Variants in SCN10A observed in about 807,000 individuals in gnomAD.
The protein encoded by SCN10A is sodium voltage-gated channel alpha subunit 10.
Under a neutral mutation model 170.7 loss-of-function variants are expected in SCN10A, and 162 were observed. That is an observed-to-expected ratio of 0.95 (90% CI 0.84 to 1.08). The LOEUF (loss-of-function observed/expected upper bound fraction) is 1.08. Among genes scored for constraint, SCN10A ranks in the 50% least tolerant of loss-of-function variants. SCN10A has a pLI of 0.00. For synonymous variants in SCN10A, 985 were observed against 904.6 expected (o/e 1.09, Z -1.59); for missense variants, 2,527 against 2,436.9 (o/e 1.04, Z -0.78).
chr3:38,802,541 A>G lies in SCN10A; in HGVS notation c.-32-8499T>C, dbSNP rs545603970. On this transcript the variant is annotated intron_variant, in intron 1 of 27. Coordinates refer to ENST00000449082, the MANE Select transcript of SCN10A (RefSeq NM_006514.4). ...AAGCCTTAAAACTTTTTAATTACCC[A>G]TTATTGAAAGGAGTCTCTATTTAAT... is the stretch of plus-strand genomic sequence containing the variant. 1.6e-4 allele frequency among the ~76,000 whole-genome samples: 25 copies of G among 152,142 alleles called. 1 individual carries two copies. Among genetic ancestry groups the G allele is most frequent in the Non-Finnish European group, 2.8e-4 (19 of 68,018 alleles).
At chr3:38,777,777 G>A (rs923869741) in intron 4 of SCN10A, among the ~76,000 whole-genome samples, 3 of 152,090 alleles carry the variant, frequency 2.0e-5, no homozygotes, top group African/African-American at 7.2e-5. Flanking sequence ...GTAGACATGG[G>A]AATCTGGTGC....
In SCN10A at chr3:38,712,178, G is replaced by A. The variant is rs775929381; in HGVS notation, c.4072C>T (p.Leu1358Phe). ...TGACTCACCACCTGCAGAAGTGCAA[G>A]GTAACCCATTGCAACATTATCAAAG... is the stretch of plus-strand genomic sequence containing the variant. ...VNFDNVAMGY[L>F]ALLQVATFKG... Residue 1358 changes from leucine to phenylalanine, a missense_variant, in exon 23 of 28, where the codon CTT (leucine) becomes TTT (phenylalanine). By Grantham distance (22) the Leu-to-Phe change is conservative. Coordinates refer to ENST00000449082, the MANE Select transcript of SCN10A (RefSeq NM_006514.4). The A allele has an allele frequency of 1.9e-6, 3 of 1,613,966 alleles. No individual in the cohort carries two copies. Among genetic ancestry groups the A allele is most frequent in the Non-Finnish European group, 2.5e-6 (3 of 1,179,932 alleles).
intron 17 of SCN10A, among the ~76,000 whole-genome samples, 187 bp downstream of exon 17, chr3:38,726,419 T>C (rs922109750): frequency 6.6e-6 from 1 of 152,184 alleles, no homozygotes; most frequent in Non-Finnish European, 1.5e-5. Context: ...ACTCCCTGTT[T>C]GTCTGCCTGG....
At chr3:38,728,188 C>T (rs990547071) in intron 16 of SCN10A, among the ~76,000 whole-genome samples, 1 of 152,226 alleles carries the variant, frequency 6.6e-6, no homozygotes, top group Admixed American at 6.5e-5. Flanking sequence ...CATCTCCTGT[C>T]ATTTAATTCT....
rs34804756 is a variant in SCN10A, at chr3:38,767,043, AT to A, written c.600-3448del. On this transcript the variant is annotated intron_variant, in intron 5 of 27. Coordinates refer to ENST00000449082, the MANE Select transcript of SCN10A (RefSeq NM_006514.4). ...AAGGTGTTCATAGTAGCCTTGAATG[AT>A]TTTTTTTTTGTATTTCTGTGGTATC... Among the ~76,000 whole-genome samples the A allele has an allele frequency of 2.0e-3, 297 of 149,006 alleles. 1 individual carries two copies. Among genetic ancestry groups the A allele is most frequent in the African/African-American group, 5.4e-3 (220 of 40,590 alleles).
At chr3:38,740,232 T>G (rs549218933) in intron 14 of SCN10A, among the ~76,000 whole-genome samples, 40 of 152,366 alleles carry the variant, frequency 2.6e-4, no homozygotes, top group African/African-American at 9.1e-4. Context: ...AGAACAATGA[T>G]TCATTGCCTC....
At position 38,730,744 on chromosome 3, in the gene SCN10A, G is replaced by A. The variant is rs200918296; in HGVS notation, c.2281-1843C>T. On this transcript the variant is annotated intron_variant, in intron 15 of 27. Transcript: ENST00000449082. Reference sequence around the variant, plus strand: ...TAAAATTAAAAATATTATGAAGAAGGTTTGCATCAGATTTGACACAGTTTG... The same window carrying A: ...TAAAATTAAAAATATTATGAAGAAGATTTGCATCAGATTTGACACAGTTTG... 2.0e-4 allele frequency among the ~76,000 whole-genome samples: 30 copies of A among 152,100 alleles called. No homozygotes were observed. The East Asian group carries it at 4.8e-3, about 24-fold the overall frequency.
chr3:38,768,143 T>C (rs147979545), intron 5 of SCN10A, among the ~76,000 whole-genome samples: 2,723 of 151,996 alleles, frequency 0.018, 79 homozygotes, highest in African/African-American at 0.062. Context: ...ATGTGTTAGG[T>C]GAGTCTCTTG....
At chr3:38,720,372 G>C (rs2063377546) in intron 20 of SCN10A, among the ~76,000 whole-genome samples, 2 of 152,200 alleles carry the variant, frequency 1.3e-5, no homozygotes, top group African/African-American at 4.8e-5. Context: ...TTTGTAATAT[G>C]TGTATATTTT....
At chr3:38,759,573 T>C (rs548635836) in intron 8 of SCN10A, among the ~76,000 whole-genome samples, 3 of 152,318 alleles carry the variant, frequency 2.0e-5, no homozygotes, top group South Asian at 4.1e-4. Flanking sequence ...TTTATGTCTA[T>C]GAATGAGAAA....
At chr3:38,705,267 A>C (rs939896324) in intron 26 of SCN10A, among the ~76,000 whole-genome samples, 21 of 152,052 alleles carry the variant, frequency 1.4e-4, no homozygotes, top group African/African-American at 4.6e-4. Context: ...CCAGAATATT[A>C]AGGGGAGAGC....
Position 38,771,279 on chromosome 3 carries a change from G to A in SCN10A, c.599C>T (p.Ala200Val), listed in dbSNP as rs554062977. Residue 200 changes from alanine (A) to valine (V), a missense_variant and splice_region_variant, in exon 5 of 28, where the codon GCA becomes GTA. By Grantham distance (64) the Ala-to-Val change is moderately conservative. Coordinates refer to ENST00000449082, the MANE Select transcript of SCN10A (RefSeq NM_006514.4). Reference sequence around the variant, plus strand: ...CAGATCTGCATAGAGATATACTCACGCCAGGGTAATGACGCTAAAATCCAG... The same window carrying A: ...CAGATCTGCATAGAGATATACTCACACCAGGGTAATGACGCTAAAATCCAG... ...NWLDFSVITL[A>V]YVGTAIDLRG... 312 of 1,613,778 alleles carry A rather than the reference G, an allele frequency of 1.9e-4. 1 individual carries two copies. Among genetic ancestry groups the A allele is most frequent in the Non-Finnish European group, 2.3e-4 (267 of 1,179,830 alleles).
intron 20 of SCN10A, among the ~76,000 whole-genome samples, chr3:38,720,559 G>A (rs1403900149): frequency 1.3e-5 from 2 of 152,078 alleles, no homozygotes; most frequent in African/African-American, 4.8e-5. Context: ...GGTACTCAAA[G>A]TGAAAGCCTA....
In SCN10A at chr3:38,778,942, A is replaced by G. The variant is rs139234051; in HGVS notation, c.471-7535T>C. On this transcript the variant is annotated intron_variant, in intron 4 of 27. Coordinates refer to ENST00000449082, the MANE Select transcript of SCN10A (RefSeq NM_006514.4). ...TCATAGTGTGCATATAAAGGGAATT[A>G]TGTCAACAGTTCAGTTAATACAAAA... 4.1e-3 allele frequency among the ~76,000 whole-genome samples: 629 copies of G among 152,216 alleles called. 6 individuals are homozygous for G. The highest frequency in any genetic ancestry group is 0.021 in the South Asian group (103 of 4,830).
intron 11 of SCN10A, among the ~76,000 whole-genome samples, chr3:38,754,834 A>G (rs921822954): frequency 6.6e-6 from 1 of 152,164 alleles, no homozygotes; most frequent in African/African-American, 2.4e-5. Flanking sequence ...AAAGAGATTG[A>G]GAGGGAAGTG....
Position 38,728,871 on chromosome 3 carries a change from G to A in SCN10A, c.2311C>T (p.Pro771Ser). The change falls in exon 16 of 28, where the codon CCC becomes TCC. Residue 771 changes from proline (P) to serine (S), a missense_variant. Pro to Ser is a moderately conservative substitution (Grantham distance 74). Coordinates refer to ENST00000449082, the MANE Select transcript of SCN10A (RefSeq NM_006514.4). ...ATCTTGATGAGTGTGTTTAAGGTGG[G>A]CCAGGATTTGGCCAGCTTGAATACG... ...LRVFKLAKSWPTLNTLIKIIG... is the reference protein window; with the variant it reads ...LRVFKLAKSWSTLNTLIKIIG... 1.2e-6 allele frequency: 2 copies of A among 1,612,422 alleles called. No homozygotes were observed. The highest frequency in any genetic ancestry group is 2.2e-5 in the East Asian group (1 of 44,836).
At chr3:38,815,287 T>C (rs2064467572) in intron 1 of SCN10A, among the ~76,000 whole-genome samples, 1 of 152,224 alleles carries the variant, frequency 6.6e-6, no homozygotes, top group African/African-American at 2.4e-5. Flanking sequence ...GGGCTTGTCT[T>C]TTTTCATCAC....
chr3:38,762,209 T>C (rs766357122), intron 6 of SCN10A, among the ~76,000 whole-genome samples: 11 of 152,224 alleles, frequency 7.2e-5, no homozygotes, highest in Admixed American at 3.9e-4. Context: ...AATAATCCAC[T>C]GAGCACTACA....
chr3:38,731,581 T>C (rs2063513509), intron 15 of SCN10A, among the ~76,000 whole-genome samples: 1 of 152,144 alleles, frequency 6.6e-6, no homozygotes. Flanking sequence ...AAGAAACAAC[T>C]TGCTGAGACA....
Sources: gnomAD v4.1 joint callset for allele counts (sites outside exome capture counted in the v4.1 genomes callset) on GRCh38, gnomAD v4.1.1 for gene constraint, MANE v1.5 for transcripts, NCBI Gene and HGNC (gene_info 2026-07-23, HGNC 2026-07-21) for gene names.